Variants in LHFPL6 observed in about 807,000 individuals in gnomAD.
LHFPL6 encodes the protein LHFPL tetraspan subfamily member 6, also known as LHFPL tetraspan subfamily member 6 protein.
In LHFPL6, 9 loss-of-function variants were observed where a neutral mutation model predicts 20.6. The observed-to-expected ratio is 0.44, with a 90% CI of 0.26 to 0.76. The LOEUF is 0.76. LHFPL6 is among the 30% of genes least tolerant of loss of function. LHFPL6 has a pLI of 0.20. For synonymous variants in LHFPL6, 105 were observed against 98.7 expected (o/e 1.06, Z -0.38); for missense variants, 218 against 253.5 (o/e 0.86, Z 0.95).
chr13:39,600,870 G>A lies in LHFPL6; in HGVS notation c.347C>T (p.Thr116Ile), dbSNP rs759010331. Residue 116 changes from threonine (T) to isoleucine (I), a missense_variant, in exon 2 of 4, where the codon ACA (threonine) becomes ATA (isoleucine). Physicochemically the swap from Thr to Ile is moderately conservative, Grantham distance 89. Transcript: ENST00000379589. ...GCCVSDLISRTVGRVAGGIQF... is the reference protein window; with the variant it reads ...GCCVSDLISRIVGRVAGGIQF... Reference sequence around the variant, plus strand: ...AATTCCTCCAGCCACTCTTCCCACTGTCCTGGAGATGAGGTCGGAAACACA... The same window carrying A: ...AATTCCTCCAGCCACTCTTCCCACTATCCTGGAGATGAGGTCGGAAACACA... The A allele has an allele frequency of 4.6e-6, 7 of 1,533,414 alleles. No individual in the cohort carries two copies. The highest frequency in any genetic ancestry group is 2.0e-5 in the Admixed American group (1 of 49,780). The allele number at this position is 1,533,414 out of a possible 1,614,324, so 95.0% of individuals were successfully genotyped here. A position where few individuals can be genotyped will look rare whatever the true frequency, so the allele number is the denominator to read the frequency against.
intron 2 of LHFPL6, among the ~76,000 whole-genome samples, chr13:39,441,978 C>T (rs1872150872): frequency 6.6e-6 from 1 of 151,624 alleles, no homozygotes; most frequent in Admixed American, 6.6e-5. Context: ...TACAGGCATG[C>T]ACCACCACGC....
chr13:39,364,801 T>C (rs1869969250), intron 3 of LHFPL6, among the ~76,000 whole-genome samples: 1 of 152,146 alleles, frequency 6.6e-6, no homozygotes, highest in East Asian at 1.9e-4. Flanking sequence ...TTTGTGCCAC[T>C]TACACACAAA....
chr13:39,479,588 T>C (rs933304104), intron 2 of LHFPL6, among the ~76,000 whole-genome samples: 4 of 152,170 alleles, frequency 2.6e-5, no homozygotes, highest in African/African-American at 9.7e-5. Context: ...CATAGCTAAA[T>C]TGATACTTAC....
At chr13:39,400,011 C>T (rs766026630) in intron 2 of LHFPL6, among the ~76,000 whole-genome samples, 2 of 152,106 alleles carry the variant, frequency 1.3e-5, no homozygotes, top group Non-Finnish European at 1.5e-5. Context: ...GAGAATTGCT[C>T]GAACCCAGGA....
chr13:39,471,794 T>C (rs1566119129), intron 2 of LHFPL6, among the ~76,000 whole-genome samples: 2 of 152,242 alleles, frequency 1.3e-5, no homozygotes, highest in Non-Finnish European at 2.9e-5. Flanking sequence ...TTTGAATTTA[T>C]TCTTGTAGGA....
chr13:39,418,878 C>G (rs568135048), intron 2 of LHFPL6, among the ~76,000 whole-genome samples: 4 of 152,256 alleles, frequency 2.6e-5, no homozygotes, highest in South Asian at 4.2e-4. Flanking sequence ...TCCCATTCAT[C>G]CTGAGCTGCC....
intron 2 of LHFPL6, among the ~76,000 whole-genome samples, chr13:39,574,230 C>A (rs909450334): frequency 6.6e-6 from 1 of 152,144 alleles, no homozygotes; most frequent in African/African-American, 2.4e-5. Flanking sequence ...CGCCTGTAAT[C>A]CCAGCACTTT....
At chr13:39,599,941 T>C (rs1478377160) in intron 2 of LHFPL6, among the ~76,000 whole-genome samples, 2 of 152,226 alleles carry the variant, frequency 1.3e-5, no homozygotes, top group East Asian at 1.9e-4. Flanking sequence ...CCTATTTCCC[T>C]TCACTCTGCA....
chr13:39,486,771 C>A (rs1386307342), intron 2 of LHFPL6, among the ~76,000 whole-genome samples: 1 of 152,146 alleles, frequency 6.6e-6, no homozygotes, highest in Non-Finnish European at 1.5e-5. Flanking sequence ...TATCTAATGT[C>A]AAAAGAAAAA....
At chr13:39,395,226 A>G (rs1870812792) in intron 2 of LHFPL6, among the ~76,000 whole-genome samples, 1 of 152,232 alleles carries the variant, frequency 6.6e-6, no homozygotes, top group Non-Finnish European at 1.5e-5. Flanking sequence ...CACAATTTAT[A>G]CTACCCAGGG....
intron 2 of LHFPL6, among the ~76,000 whole-genome samples, chr13:39,515,363 T>A (rs949086364): frequency 2.6e-5 from 4 of 152,210 alleles, no homozygotes; most frequent in Non-Finnish European, 5.9e-5. Context: ...AAGCTATAAA[T>A]CAGCATCAGG....
intron 2 of LHFPL6, among the ~76,000 whole-genome samples, chr13:39,416,759 C>A (rs1871359528): frequency 6.6e-6 from 1 of 152,116 alleles, no homozygotes; most frequent in Admixed American, 6.5e-5. Flanking sequence ...ATTTATAATT[C>A]TGATGTCAGA....
chr13:39,375,598 C>T (rs1593290059), intron 3 of LHFPL6, among the ~76,000 whole-genome samples: 1 of 151,492 alleles, frequency 6.6e-6, no homozygotes, highest in Admixed American at 6.6e-5. Flanking sequence ...GGCTGAGGCA[C>T]GAGAATCGCT....
At chr13:39,587,012 C>A (rs1015217366) in intron 2 of LHFPL6, among the ~76,000 whole-genome samples, 1 of 152,118 alleles carries the variant, frequency 6.6e-6, no homozygotes, top group African/African-American at 2.4e-5. Context: ...CAAAAATTAG[C>A]TAGGCATGGT....
intron 2 of LHFPL6, among the ~76,000 whole-genome samples, chr13:39,540,566 TG>T (rs1348670190): frequency 6.6e-6 from 1 of 152,160 alleles, no homozygotes; most frequent in Admixed American, 6.5e-5. Context: ...GATTTTCTGA[TG>T]GAATATTAGG....
intron 2 of LHFPL6, among the ~76,000 whole-genome samples, chr13:39,542,978 C>T (rs1415577165): frequency 6.6e-6 from 1 of 152,160 alleles, no homozygotes; most frequent in South Asian, 2.1e-4. Flanking sequence ...TTCATCTTCC[C>T]AAATGGAAAC....
At chr13:39,598,840 A>G (rs1440699259) in intron 2 of LHFPL6, among the ~76,000 whole-genome samples, 1 of 152,150 alleles carries the variant, frequency 6.6e-6, no homozygotes, top group African/African-American at 2.4e-5. Context: ...TGCAGGCGTG[A>G]GCCACCGCAC....
intron 3 of LHFPL6, among the ~76,000 whole-genome samples, chr13:39,344,614 A>T (rs1434238162): frequency 6.6e-6 from 1 of 152,192 alleles, no homozygotes; most frequent in Non-Finnish European, 1.5e-5. Context: ...CTTGAAGATA[A>T]AGTGTCATTT....
At chr13:39,456,923 A>G (rs9576807) in intron 2 of LHFPL6, among the ~76,000 whole-genome samples, 83,946 of 151,870 alleles carry the variant, frequency 0.55, 24,413 homozygotes, top group East Asian at 0.9. Context: ...CAGCCTCCCA[A>G]GAAGCTGGGA....
Sources: allele counts gnomAD v4.1 joint callset (sites outside exome capture counted in the v4.1 genomes callset), GRCh38; gene constraint gnomAD v4.1.1; transcripts MANE v1.5; gene names NCBI Gene and HGNC (gene_info 2026-07-23, HGNC 2026-07-21).